NRXN1: variants seen among roughly 807,000 people sequenced by gnomAD.
The protein encoded by NRXN1 is neurexin 1.
In NRXN1, 39 loss-of-function variants were observed where a neutral mutation model predicts 150.9. That is an observed-to-expected ratio of 0.26 (90% CI 0.20 to 0.34). NRXN1 has a LOEUF of 0.34. Ranked by LOEUF, NRXN1 falls within the 10% of genes least tolerant of loss-of-function variation. The pLI, the probability that NRXN1 is intolerant of heterozygous loss-of-function variation, is 1.00. For missense variants in NRXN1, 1,815 were observed against 1,949.9 expected, an observed-to-expected ratio of 0.93 and a Z score of 1.30; for synonymous variants, 924 against 757.0, an observed-to-expected ratio of 1.22 and a Z score of -3.62.
chr2:50,900,472 TAAAC>T (rs1396291857), intron 5 of NRXN1, among the ~76,000 whole-genome samples: 1 of 152,156 alleles, frequency 6.6e-6, no homozygotes, highest in Non-Finnish European at 1.5e-5. Flanking sequence ...CAGTATCAAT[TAAAC>T]AAACCCTCTC....
intron 17 of NRXN1, among the ~76,000 whole-genome samples, chr2:50,368,057 C>A (rs2079728931): frequency 6.6e-6 from 1 of 151,960 alleles, no homozygotes; most frequent in Non-Finnish European, 1.5e-5. Context: ...ATAGTTACAC[C>A]ACTTAGCAAA....
chr2:50,472,390 C>T lies in NRXN1; in HGVS notation c.3152G>A (p.Gly1051Asp). The T allele has an allele frequency of 6.2e-7, 1 of 1,612,220 alleles. No individual in the cohort carries two copies. The highest frequency in any genetic ancestry group is 2.2e-5 in the East Asian group (1 of 44,832). Residue 1051 changes from glycine (G) to aspartate (D), a missense_variant, in exon 16 of 23, where the codon GGC becomes GAC. Gly to Asp is a moderately conservative substitution (Grantham distance 94, BLOSUM62 -1). Around this residue, in one of 6 missense-constraint regions of NRXN1, gnomAD observed 339 missense variants for 440.3 expected, o/e 0.77. Transcript: ENST00000401669. ...KLVHAKEGFQ[G>D]CLASVDLNGR... ...ATTTAAATCAACTGATGCCAGGCAG[C>T]CTTGAAAGCCTTCTTTGGCATGTAC...
chr2:50,623,604 ATTC>A lies in NRXN1; in HGVS notation c.841_843del (p.Glu281del), dbSNP rs1274313543. The A allele has an allele frequency of 6.2e-7, 1 of 1,609,292 alleles. No homozygotes were observed. On this transcript the variant is annotated inframe_deletion, in exon 6 of 23. Transcript: ENST00000401669. ...TCAGATCCTTTGAACGTGGCAATAT[ATTC>A]TTCTTTTCCTAGAGGAAAACAGATG... is the stretch of plus-strand genomic sequence containing the variant.
intron 15 of NRXN1, among the ~76,000 whole-genome samples, chr2:50,487,742 A>G (rs2090979061): frequency 6.6e-6 from 1 of 152,208 alleles, no homozygotes; most frequent in African/African-American, 2.4e-5. Flanking sequence ...CCTGAAAATG[A>G]TAGTGACATT....
At chr2:50,137,919 A>G (rs958673221) in intron 18 of NRXN1, among the ~76,000 whole-genome samples, 17 of 152,320 alleles carry the variant, frequency 1.1e-4, no homozygotes, top group African/African-American at 3.8e-4. Context: ...ATGTACAAAC[A>G]ATTTCTCCTT....
chr2:50,982,147 G>C (rs755666938), intron 2 of NRXN1, among the ~76,000 whole-genome samples: 2 of 152,036 alleles, frequency 1.3e-5, no homozygotes, highest in Non-Finnish European at 2.9e-5. Flanking sequence ...AAAGCTTACA[G>C]ATTTATCTTA....
chr2:50,946,708 T>C (rs1690447375), intron 2 of NRXN1, among the ~76,000 whole-genome samples: 3 of 152,134 alleles, frequency 2.0e-5, no homozygotes, highest in African/African-American at 7.2e-5. Context: ...AAAATTACAC[T>C]CACCTCAATA....
chr2:50,166,384 A>T (rs2059691525), intron 18 of NRXN1, among the ~76,000 whole-genome samples: 2 of 151,148 alleles, frequency 1.3e-5, no homozygotes, highest in African/African-American at 2.4e-5. Context: ...CCAGCTGACA[A>T]CCAGCAAGAA....
At chr2:50,628,854 A>G (rs1490638954) in intron 5 of NRXN1, among the ~76,000 whole-genome samples, 1 of 151,782 alleles carries the variant, frequency 6.6e-6, no homozygotes, top group African/African-American at 2.4e-5. Flanking sequence ...ACACAAGCCA[A>G]TGGGAAAAAA....
At chr2:50,545,973 A>G (rs1451360560) in intron 9 of NRXN1, among the ~76,000 whole-genome samples, 3 of 152,112 alleles carry the variant, frequency 2.0e-5, no homozygotes, top group Admixed American at 2.0e-4. Flanking sequence ...GACAAGAAAA[A>G]ATGTCTGTAT....
chr2:50,663,193 C>A (rs1182897050), intron 5 of NRXN1, among the ~76,000 whole-genome samples: 1 of 151,968 alleles, frequency 6.6e-6, no homozygotes, highest in African/African-American at 2.4e-5. Context: ...ATTGAAACAC[C>A]ATCCACATAC....
chr2:50,353,475 G>C (rs999230151), intron 17 of NRXN1, among the ~76,000 whole-genome samples: 1 of 152,190 alleles, frequency 6.6e-6, no homozygotes, highest in Admixed American at 6.5e-5. Flanking sequence ...GTGCCTGACT[G>C]TGAGTATGAA....
At chr2:50,239,052 C>T (rs1340556990) in intron 17 of NRXN1, among the ~76,000 whole-genome samples, 2 of 149,086 alleles carry the variant, frequency 1.3e-5, no homozygotes, top group African/African-American at 4.9e-5. Flanking sequence ...TCAGAAATCC[C>T]AGGGCTTTCC....
At chr2:49,943,460 G>C (rs1196770602) in intron 22 of NRXN1, among the ~76,000 whole-genome samples, 2 of 152,146 alleles carry the variant, frequency 1.3e-5, no homozygotes, top group Non-Finnish European at 1.5e-5. Context: ...TGAACAGTAA[G>C]GTAGAAGCCC....
In NRXN1 at chr2:49,943,741, C is replaced by T. The variant is rs761897937; in HGVS notation, c.4179G>A (p.Glu1393=). Residue 1393 remains glutamate, a synonymous_variant, in exon 22 of 23, where the codon GAG becomes GAA. Coordinates refer to ENST00000401669, the MANE Select transcript of NRXN1 (RefSeq NM_001330078.2). ...VASAECPSDD[E]DIDPCEPSSG... ...AGCTCGGCTCACAGGGGTCAATGTCCTCATCATCGCTGGGACACTCTGCTG... is the reference window on the plus strand; with the variant it reads ...AGCTCGGCTCACAGGGGTCAATGTCTTCATCATCGCTGGGACACTCTGCTG... The T allele has an allele frequency of 2.5e-6, 4 of 1,612,408 alleles. No homozygotes were observed. Among genetic ancestry groups the T allele is most frequent in the Non-Finnish European group, 3.4e-6 (4 of 1,179,306 alleles).
chr2:50,440,981 G>T (rs2085901265), intron 17 of NRXN1, among the ~76,000 whole-genome samples: 1 of 152,136 alleles, frequency 6.6e-6, no homozygotes, highest in Non-Finnish European at 1.5e-5. Flanking sequence ...GATACTCTCT[G>T]TAGCTTTTTC....
At chr2:50,578,929 G>T (rs895047790) in intron 8 of NRXN1, among the ~76,000 whole-genome samples, 1 of 152,090 alleles carries the variant, frequency 6.6e-6, no homozygotes, top group African/African-American at 2.4e-5. Flanking sequence ...TCTCAACACT[G>T]AGGGCATCTG....
intron 17 of NRXN1, among the ~76,000 whole-genome samples, chr2:50,280,351 G>C (rs1031111830): frequency 6.6e-6 from 1 of 151,262 alleles, no homozygotes; most frequent in African/African-American, 2.4e-5. Flanking sequence ...TTTATGAAAT[G>C]ATTATTAATA....
chr2:50,569,179 G>C lies in NRXN1; in HGVS notation c.1321-16154C>G, dbSNP rs575260430. Among the ~76,000 whole-genome samples, 44 of 152,090 alleles carry C rather than the reference G, an allele frequency of 2.9e-4. 1 individual carries two copies. The highest frequency in any genetic ancestry group is 9.4e-4 in the African/African-American group (39 of 41,528). On this transcript the variant is annotated intron_variant, in intron 8 of 22. Transcript: ENST00000401669. ...GTTGGGAGAAGTGGGGATGGTTAAT[G>C]GGAACAAAAATATAATTAGACAGAA...
Sources: allele counts gnomAD v4.1 joint callset (sites outside exome capture counted in the v4.1 genomes callset), GRCh38; gene constraint gnomAD v4.1.1; regional missense constraint gnomAD v4.1.1; transcripts MANE v1.5; gene names NCBI Gene and HGNC (gene_info 2026-07-23, HGNC 2026-07-21).